Variants in UGT1A9 observed in about 807,000 individuals in gnomAD.
The protein encoded by UGT1A9 is UDP-glucuronosyltransferase 1A9.
UGT1A9 carries 35 observed loss-of-function variants against 45.0 expected under a neutral mutation model. The observed-to-expected ratio is 0.78, with a 90% CI of 0.59 to 1.03. The LOEUF (loss-of-function observed/expected upper bound fraction) is 1.03. Ranked by LOEUF, UGT1A9 falls within the 50% of genes least tolerant of loss-of-function variation. The pLI is 0.00. For synonymous variants in UGT1A9, 278 were observed against 250.6 expected (o/e 1.11, Z -1.03); for missense variants, 687 against 666.6 (o/e 1.03, Z -0.34).
At chr2:233,743,936 C>A in intron 1 of UGT1A9, 1 of 1,355,864 alleles carries the variant, frequency 7.4e-7, no homozygotes, top group Non-Finnish European at 9.9e-7. Flanking sequence ...CCAGAACGGC[C>A]CACCAGGCAC....
At chr2:233,726,313 G>T (rs2077524359) in intron 1 of UGT1A9, among the ~76,000 whole-genome samples, 2 of 152,198 alleles carry the variant, frequency 1.3e-5, no homozygotes, top group Non-Finnish European at 2.9e-5. Context: ...GGATCATTGA[G>T]CTCAGGAGTT....
chr2:233,691,608 G>C (rs2075049799), intron 1 of UGT1A9: 1 of 985,544 alleles, frequency 1.0e-6, no homozygotes, highest in East Asian at 1.1e-4. Flanking sequence ...TCTTGCTCTG[G>C]GACCGCCCTC....
chr2:233,700,593 C>T (rs888574084), intron 1 of UGT1A9, among the ~76,000 whole-genome samples: 1 of 152,066 alleles, frequency 6.6e-6, no homozygotes, highest in Non-Finnish European at 1.5e-5. Flanking sequence ...TATTATGATA[C>T]AATTCACTCT....
chr2:233,676,097 G>A (rs1455767022), intron 1 of UGT1A9, among the ~76,000 whole-genome samples: 1 of 152,168 alleles, frequency 6.6e-6, no homozygotes, highest in Non-Finnish European at 1.5e-5. Flanking sequence ...AAATGGGAAA[G>A]AATAGTCTTT....
At chr2:233,695,898 T>G (rs1241404819) in intron 1 of UGT1A9, among the ~76,000 whole-genome samples, 1 of 152,148 alleles carries the variant, frequency 6.6e-6, no homozygotes, top group East Asian at 1.9e-4. Flanking sequence ...AACAAATGTG[T>G]GGGGTTTTTT....
At chr2:233,719,543 A>G (rs756254321) in intron 1 of UGT1A9, 16 of 1,613,668 alleles carry the variant, frequency 9.9e-6, no homozygotes, top group Non-Finnish European at 8.5e-6. Flanking sequence ...TTTTTCAGAG[A>G]GAGGTGTCAG....
At chr2:233,735,698 A>C (rs1273245395) in intron 1 of UGT1A9, among the ~76,000 whole-genome samples, 2 of 152,000 alleles carry the variant, frequency 1.3e-5, no homozygotes, top group Admixed American at 6.5e-5. Flanking sequence ...CTTGTAAGGC[A>C]GGCCTGGTGG....
At chr2:233,707,033 G>A (rs1432396998) in intron 1 of UGT1A9, among the ~76,000 whole-genome samples, 1 of 152,110 alleles carries the variant, frequency 6.6e-6, no homozygotes, top group Admixed American at 6.5e-5. Context: ...CAGCCCCCAA[G>A]GTAGAGGAAG....
rs200903749 is a variant in UGT1A9, at chr2:233,767,133, A to G, written c.955A>G (p.Ile319Val). ...SEIPEKKAMAIADALGKIPQT... is the reference protein window; with the variant it reads ...SEIPEKKAMAVADALGKIPQT... ...AATTCCAGAGAAGAAAGCTATGGCA[A>G]TTGCTGATGCTTTGGGCAAAATCCC... The change falls in exon 2 of 5, where the codon ATT (isoleucine) becomes GTT (valine). Residue 319 changes from isoleucine (I) to valine (V), a missense_variant. Physicochemically the swap from Ile to Val is conservative, Grantham distance 29 (BLOSUM62 3). Coordinates refer to ENST00000354728, the MANE Select transcript of UGT1A9 (RefSeq NM_021027.3). 1,419 of 1,614,112 alleles carry G rather than the reference A, an allele frequency of 8.8e-4. 26 individuals are homozygous for G. In the South Asian group the frequency reaches 0.015, roughly 17 times the overall value.
chr2:233,689,992 C>T (rs1466782471), intron 1 of UGT1A9: 1 of 449,922 alleles, frequency 2.2e-6, no homozygotes, highest in Admixed American at 2.4e-5. Context: ...AAAAGGGATT[C>T]TCACTTCATC....
At chr2:233,676,121 C>A (rs553203666) in intron 1 of UGT1A9, among the ~76,000 whole-genome samples, 1 of 152,246 alleles carries the variant, frequency 6.6e-6, no homozygotes, top group Admixed American at 6.5e-5. Flanking sequence ...ACAGAAGACC[C>A]ACCCTGGGGT....
chr2:233,707,867 C>T (rs1275406716), intron 1 of UGT1A9, among the ~76,000 whole-genome samples: 2 of 152,118 alleles, frequency 1.3e-5, no homozygotes, highest in African/African-American at 4.8e-5. Flanking sequence ...TTGTACATAT[C>T]CCTGATTGCT....
chr2:233,729,197 C>A, intron 1 of UGT1A9: 1 of 1,614,002 alleles, frequency 6.2e-7, no homozygotes, highest in Non-Finnish European at 8.5e-7. Context: ...AGTGTCCAGC[C>A]CTGGGCTGAG....
intron 1 of UGT1A9, among the ~76,000 whole-genome samples, chr2:233,756,700 T>C (rs1696300397): frequency 6.6e-6 from 1 of 152,160 alleles, no homozygotes; most frequent in Non-Finnish European, 1.5e-5. Flanking sequence ...CGATGAATTT[T>C]GGGGGGACTT....
Position 233,672,598 on chromosome 2 carries a change from C to G in UGT1A9, c.664C>G (p.Arg222Gly). Residue 222 changes from arginine to glycine, a missense_variant, in exon 1 of 5, where the codon CGT (arginine) becomes GGT (glycine). Transcript: ENST00000354728. ...MHLEEHLLCH[R>G]FFKNALEIAS... ...CTTGGAGGAACATTTATTATGCCAC[C>G]GTTTTTTCAAAAATGCCCTAGAAAT... The G allele has an allele frequency of 6.2e-7, 1 of 1,613,836 alleles. No individual in the cohort carries two copies. The highest frequency in any genetic ancestry group is 8.5e-7 in the Non-Finnish European group (1 of 1,179,816).
At chr2:233,761,229 T>C in intron 1 of UGT1A9, 2 of 1,613,382 alleles carry the variant, frequency 1.2e-6, no homozygotes, top group Non-Finnish European at 1.7e-6. Flanking sequence ...TAGCCCCAGA[T>C]ATATGCTGAG....
rs532756025 is a variant in UGT1A9, at chr2:233,692,941, A to C, written c.855+20152A>C. ...AGTGGTTAGTTTAGGGAAAATACCT[A>C]GGAGCCCTGTGATTTGGAGAGTGAA... On this transcript the variant is annotated intron_variant, in intron 1 of 4. Coordinates refer to ENST00000354728, the MANE Select transcript of UGT1A9 (RefSeq NM_021027.3). The C allele has an allele frequency of 2.0e-5, 32 of 1,595,742 alleles. No individual in the cohort carries two copies. In the South Asian group the frequency reaches 3.5e-4, roughly 17 times the overall value.
chr2:233,691,153 A>G, intron 1 of UGT1A9: 7 of 985,748 alleles, frequency 7.1e-6, no homozygotes, highest in Non-Finnish European at 8.4e-6. Flanking sequence ...TGTTCTTTGA[A>G]GGAAACCTGC....
chr2:233,719,008 C>T (rs775074896), intron 1 of UGT1A9: 43 of 1,614,048 alleles, frequency 2.7e-5, no homozygotes, highest in Admixed American at 2.5e-4. Flanking sequence ...GTCCTCACCC[C>T]AGAGGTGAAT....
Sources: gnomAD v4.1 joint callset for allele counts (sites outside exome capture counted in the v4.1 genomes callset) on GRCh38, gnomAD v4.1.1 for gene constraint, MANE v1.5 for transcripts, NCBI Gene and HGNC (gene_info 2026-07-23, HGNC 2026-07-21) for gene names.